The following VEZT variants were observed in gnomAD, a reference collection of about 807,000 sequenced individuals.
VEZT encodes vezatin.
In VEZT, 39 loss-of-function variants were observed where a neutral mutation model predicts 79.9. That is an observed-to-expected ratio of 0.49 (90% CI 0.38 to 0.64). The LOEUF is 0.64. Among genes scored for constraint, VEZT ranks in the 30% least tolerant of loss-of-function variants. The pLI, the probability that VEZT is intolerant of heterozygous loss-of-function variation, is 0.00. For missense variants in VEZT, 837 were observed against 893.1 expected, an observed-to-expected ratio of 0.94 and a Z score of 0.80; for synonymous variants, 325 against 327.6, an observed-to-expected ratio of 0.99 and a Z score of 0.09.
chr12:95,245,613 C>T, intron 1 of VEZT: 1 of 455,880 alleles, frequency 2.2e-6, no homozygotes, highest in South Asian at 1.6e-5. Context: ...TCTTCTCTGG[C>T]CCAAGACCTG....
intron 10 of VEZT, 149 bp downstream of exon 10, chr12:95,294,521 T>G: frequency 3.0e-6 from 2 of 670,902 alleles, no homozygotes; most frequent in Non-Finnish European, 5.0e-6. Context: ...AGACTTTTTT[T>G]TGATTGTTAT....
At chr12:95,286,307 A>T (rs2070847449) in intron 8 of VEZT, 1 of 399,896 alleles carries the variant, frequency 2.5e-6, no homozygotes, top group African/African-American at 2.1e-5. Context: ...TTTTACATGT[A>T]TGTATGTATG....
At chr12:95,253,608 A>G (rs17023834) in intron 2 of VEZT, among the ~76,000 whole-genome samples, 16,593 of 152,276 alleles carry the variant, frequency 0.11, 1,237 homozygotes, top group Admixed American at 0.21. Flanking sequence ...AGAGCAGCAG[A>G]TGGTCATTGA....
chr12:95,271,635 A>G (rs75704045), intron 6 of VEZT, among the ~76,000 whole-genome samples: 74 of 152,360 alleles, frequency 4.9e-4, no homozygotes, highest in African/African-American at 1.7e-3. Context: ...GTGAATATTT[A>G]TGGAGCACAG....
chr12:95,278,151 T>C lies in VEZT; in HGVS notation c.996+3262T>C, dbSNP rs374399574. 3.9e-5 allele frequency among the ~76,000 whole-genome samples: 6 copies of C among 152,346 alleles called. No homozygotes were observed. In the East Asian group the frequency reaches 1.2e-3, roughly 29 times the overall value. The stretch of plus-strand genomic sequence containing the variant: ...CAATGCTTGCCTCCAAAGGATTAGA[T>C]GTTTGTCAGTTCAGTGCCTGGTGTA... On this transcript the variant is annotated intron_variant, in intron 7 of 11. Coordinates refer to ENST00000436874, the MANE Select transcript of VEZT (RefSeq NM_017599.4).
intron 7 of VEZT, among the ~76,000 whole-genome samples, chr12:95,279,787 G>T (rs771181249): frequency 6.6e-6 from 1 of 152,108 alleles, no homozygotes; most frequent in African/African-American, 2.4e-5. Flanking sequence ...GTAGAGGCAG[G>T]GGTCTCACTG....
In VEZT at chr12:95,251,949, C is replaced by G; in HGVS notation, c.46C>G (p.Leu16Val). 1 of 1,600,188 alleles carries G rather than the reference C, an allele frequency of 6.2e-7. No homozygotes were observed. Among genetic ancestry groups the G allele is most frequent in the Non-Finnish European group, 8.5e-7 (1 of 1,175,748 alleles). The change falls in exon 2 of 12, where the codon CTT (leucine) becomes GTT (valine). Residue 16 changes from leucine (L) to valine (V), a missense_variant. Physicochemically the swap from Leu to Val is conservative, Grantham distance 32. Transcript: ENST00000436874. ...TTTGTGTCTTTTTCAGAATTCTCCA[C>G]TTTACCAATACTTACAGGATCTGGG... ...DEEVVFENSP[L>V]YQYLQDLGHT...
intron 1 of VEZT, among the ~76,000 whole-genome samples, chr12:95,241,243 G>A (rs986081740): frequency 6.6e-6 from 1 of 151,806 alleles, no homozygotes; most frequent in African/African-American, 2.4e-5. Flanking sequence ...CACCATGTTG[G>A]CCAGGCTGGT....
chr12:95,278,069 C>CTACT (rs1344460095), intron 7 of VEZT, among the ~76,000 whole-genome samples: 4 of 152,202 alleles, frequency 2.6e-5, no homozygotes, highest in Non-Finnish European at 4.4e-5. Context: ...CGTTATTTGA[C>CTACT]TACTGTGTGG....
At chr12:95,279,400 A>G (rs912975725) in intron 7 of VEZT, among the ~76,000 whole-genome samples, 3 of 152,196 alleles carry the variant, frequency 2.0e-5, no homozygotes, top group Non-Finnish European at 4.4e-5. Flanking sequence ...AAATTTATGA[A>G]GTCATCTGTT....
chr12:95,227,928 A>G (rs1044916932), intron 1 of VEZT, among the ~76,000 whole-genome samples: 5 of 152,172 alleles, frequency 3.3e-5, no homozygotes, highest in African/African-American at 1.2e-4. Context: ...TCTAGTAGGG[A>G]CAATGTTGTA....
intron 1 of VEZT, among the ~76,000 whole-genome samples, chr12:95,231,711 C>G (rs1177580277): frequency 6.6e-6 from 1 of 152,084 alleles, no homozygotes; most frequent in Non-Finnish European, 1.5e-5. Flanking sequence ...CTCCGAAAAG[C>G]ATTTCCTATT....
rs759572550 is a variant in VEZT at position 95,270,171 on chromosome 12, C to A, written c.831C>A (p.Thr277=). Reference sequence around the variant, plus strand: ...ACTTCCAAGCAGCAAGGCTAGCTACCCTATATATGCTGAAAAAATATCCTT... The same window carrying A: ...ACTTCCAAGCAGCAAGGCTAGCTACACTATATATGCTGAAAAAATATCCTT... The part of the protein sequence containing the change: ...RANFQAARLA[T]LYMLKNYPLN... The change falls in exon 6 of 12, where the codon ACC becomes ACA. Residue 277 remains threonine, a synonymous_variant. Coordinates refer to ENST00000436874, the MANE Select transcript of VEZT (RefSeq NM_017599.4). 10 of 1,604,960 alleles carry A rather than the reference C, an allele frequency of 6.2e-6. No homozygotes were observed. The highest frequency in any genetic ancestry group is 5.2e-5 in the Admixed American group (3 of 57,988).
chr12:95,234,423 G>A (rs1051842453), intron 1 of VEZT, among the ~76,000 whole-genome samples: 1 of 151,760 alleles, frequency 6.6e-6, no homozygotes, highest in Non-Finnish European at 1.5e-5. Flanking sequence ...CCGAGTAGCT[G>A]GGATTACAGG....
In VEZT at chr12:95,301,866, A is replaced by T. The variant is rs1288263428; in HGVS notation, c.*1193A>T. 1.3e-5 allele frequency: 2 copies of T among 152,200 alleles called. No homozygotes were observed. The highest frequency in any genetic ancestry group is 2.9e-5 in the Non-Finnish European group (2 of 68,026). The allele number at this position is 152,200 out of a possible 1,614,324, so 9.4% of individuals were successfully genotyped here. The stretch of plus-strand genomic sequence containing the variant: ...TCACTTTCAGTGAGTAAATTTACTT[A>T]TACCAAAGGGGATTTTTTTTCTTTC... On this transcript the variant is annotated 3_prime_UTR_variant, in exon 12 of 12. Transcript: ENST00000436874.
At chr12:95,221,321 T>A (rs1022445339) in intron 1 of VEZT, among the ~76,000 whole-genome samples, 22 of 152,178 alleles carry the variant, frequency 1.4e-4, no homozygotes, top group Non-Finnish European at 2.9e-5. Flanking sequence ...CCTAGCACTT[T>A]GGAAAGCTAA....
At chr12:95,234,451 G>A (rs1397057904) in intron 1 of VEZT, among the ~76,000 whole-genome samples, 4 of 151,676 alleles carry the variant, frequency 2.6e-5, no homozygotes, top group South Asian at 2.1e-4. Context: ...CACCACCCCC[G>A]GCTAATTTTT....
chr12:95,223,489 C>T (rs879666444), intron 1 of VEZT, among the ~76,000 whole-genome samples: 7 of 152,258 alleles, frequency 4.6e-5, no homozygotes, highest in South Asian at 2.1e-4. Flanking sequence ...TTAGCCTTGT[C>T]GCCCAGGCTG....
rs148610067 is a variant in VEZT, at chr12:95,302,504, C to A, written c.*1831C>A. ...TTGAAATTATGACATAAAGATCTTGCAGCTTTATTTGAGTATTTGTTCTTT... is the reference window on the plus strand; with the variant it reads ...TTGAAATTATGACATAAAGATCTTGAAGCTTTATTTGAGTATTTGTTCTTT... On this transcript the variant is annotated 3_prime_UTR_variant, in exon 12 of 12. Coordinates refer to ENST00000436874, the MANE Select transcript of VEZT (RefSeq NM_017599.4). 1 of 152,114 alleles carries A rather than the reference C, an allele frequency of 6.6e-6. No homozygotes were observed. Among genetic ancestry groups the A allele is most frequent in the African/African-American group, 2.4e-5 (1 of 41,416 alleles). The allele number at this position is 152,114 out of a possible 1,614,324, so 9.4% of individuals were successfully genotyped here.
Sources: allele counts gnomAD v4.1 joint callset (sites outside exome capture counted in the v4.1 genomes callset), GRCh38; gene constraint gnomAD v4.1.1; transcripts MANE v1.5; gene names NCBI Gene and HGNC (gene_info 2026-07-23, HGNC 2026-07-21).